Variants in CNTNAP3B observed in about 807,000 individuals in gnomAD.
CNTNAP3B encodes the protein contactin associated protein family member 3B.
Under a neutral mutation model 108.9 loss-of-function variants are expected in CNTNAP3B, and 25 were observed. That is an observed-to-expected ratio of 0.23 (90% CI 0.17 to 0.32). The LOEUF is 0.32. Among genes scored for constraint, CNTNAP3B ranks in the 10% least tolerant of loss-of-function variants. The pLI, the probability that CNTNAP3B is intolerant of heterozygous loss-of-function variation, is 1.00. For missense variants in CNTNAP3B, 252 were observed against 1,210.4 expected, an observed-to-expected ratio of 0.21 and a Z score of 11.75; for synonymous variants, 103 against 473.4, an observed-to-expected ratio of 0.22 and a Z score of 10.16.
At chr9:41,937,185 T>G (rs1193831993) in intron 14 of CNTNAP3B, among the ~76,000 whole-genome samples, 13 of 149,178 alleles carry the variant, frequency 8.7e-5, no homozygotes, top group Non-Finnish European at 1.8e-4. Context: ...TGGAGTGCAG[T>G]GGCGCGATCT....
chr9:41,921,176 C>A (rs575139827), intron 17 of CNTNAP3B, among the ~76,000 whole-genome samples: 1 of 152,300 alleles, frequency 6.6e-6, no homozygotes, highest in Non-Finnish European at 1.5e-5. Context: ...CTTCATCCAC[C>A]GCAATGAATG....
chr9:42,126,635 T>C (rs1311012154), intron 1 of CNTNAP3B, among the ~76,000 whole-genome samples: 1 of 135,272 alleles, frequency 7.4e-6, no homozygotes, highest in Non-Finnish European at 1.6e-5. Flanking sequence ...TATGGTGGGA[T>C]CTCGGCTCAC....
At chr9:42,120,829 G>A (rs1432476760) in intron 1 of CNTNAP3B, among the ~76,000 whole-genome samples, 1 of 90,808 alleles carries the variant, frequency 1.1e-5, no homozygotes, top group African/African-American at 4.9e-5. Flanking sequence ...TCGCGGGGTG[G>A]GGGGAGGGGG....
chr9:42,096,544 G>T (rs1329223097), intron 2 of CNTNAP3B, among the ~76,000 whole-genome samples: 1 of 133,746 alleles, frequency 7.5e-6, no homozygotes, highest in African/African-American at 3.0e-5. Flanking sequence ...GGAGGTCTGA[G>T]GGCACTGGCG....
intron 13 of CNTNAP3B, among the ~76,000 whole-genome samples, chr9:41,940,076 CA>C (rs1318003352): frequency 1.3e-5 from 2 of 152,278 alleles, no homozygotes; most frequent in African/African-American, 4.8e-5. Flanking sequence ...CTAACCTGAC[CA>C]AAAAAGAGAA....
At chr9:41,959,513 C>G (rs1261054623) in intron 12 of CNTNAP3B, among the ~76,000 whole-genome samples, 254 of 152,330 alleles carry the variant, frequency 1.7e-3, no homozygotes, top group African/African-American at 5.8e-3. Flanking sequence ...AACCAAGGTC[C>G]TTCCTGGTTG....
At chr9:41,969,681 G>A (rs1390334452) in intron 10 of CNTNAP3B, among the ~76,000 whole-genome samples, 2 of 151,628 alleles carry the variant, frequency 1.3e-5, no homozygotes, top group Non-Finnish European at 2.9e-5. Context: ...GCAGTGGCGC[G>A]ATCTCTGCTC....
chr9:42,103,734 C>CAA lies in CNTNAP3B; in HGVS notation c.196+893_196+894dup, dbSNP rs1348271388. Among the ~76,000 whole-genome samples the CAA allele has an allele frequency of 8.3e-3, 217 of 26,088 alleles. 6 individuals are homozygous for CAA. The highest frequency in any genetic ancestry group is 0.032 in the Middle Eastern group (2 of 62). 17.1% of individuals were successfully genotyped at this position (26,088 alleles called of 152,430 possible). On this transcript the variant is annotated intron_variant, in intron 2 of 23. Coordinates refer to ENST00000377561, the MANE Select transcript of CNTNAP3B (RefSeq NM_001201380.3). Reference sequence around the variant, plus strand: ...TGGGTGACAGAGCGAGACTCCGTCTCAAAAAAAAAAAAAAGAACAAGGGCA... The same window carrying CAA: ...TGGGTGACAGAGCGAGACTCCGTCTCAAAAAAAAAAAAAAAAGAACAAGGGCA...
At chr9:42,063,246 T>TTG (rs1162745716) in intron 3 of CNTNAP3B, among the ~76,000 whole-genome samples, 3 of 128,060 alleles carry the variant, frequency 2.3e-5, no homozygotes, top group African/African-American at 6.3e-5. Flanking sequence ...ACTCTTGACT[T>TTG]TGTGTGTGTG....
rs1335836899 is a variant in CNTNAP3B, at chr9:42,030,750, C to CAGAGAGACAGAGAGAGAGAG, written c.391-17226_391-17225insCTCTCTCTCTCTGTCTCTCT. 2.0e-4 allele frequency among the ~76,000 whole-genome samples: 12 copies of CAGAGAGACAGAGAGAGAGAG among 60,404 alleles called. 1 individual carries two copies. Among genetic ancestry groups the CAGAGAGACAGAGAGAGAGAG allele is most frequent in the African/African-American group, 9.2e-4 (12 of 13,004 alleles). 39.6% of individuals were successfully genotyped at this position (60,404 alleles called of 152,430 possible). Reference sequence around the variant, plus strand: ...CGGAGAAGGGAGTGAGAAAGAGATACAGAGAGAGAGAGAGAGAGAGAGAGA... The same window carrying CAGAGAGACAGAGAGAGAGAG: ...CGGAGAAGGGAGTGAGAAAGAGATACAGAGAGACAGAGAGAGAGAGAGAGAGAGAGAGAGAGAGAGAGAGA... On this transcript the variant is annotated intron_variant, in intron 3 of 23. Coordinates refer to ENST00000377561, the MANE Select transcript of CNTNAP3B (RefSeq NM_001201380.3).
chr9:41,925,793 G>A (rs1332322936), intron 15 of CNTNAP3B, among the ~76,000 whole-genome samples: 456 of 152,076 alleles, frequency 3.0e-3, no homozygotes, highest in Non-Finnish European at 5.1e-3. Context: ...GCCTTTTTCA[G>A]CTTTTTTTTT....
At chr9:42,097,877 G>A (rs1477887429) in intron 2 of CNTNAP3B, among the ~76,000 whole-genome samples, 2 of 138,200 alleles carry the variant, frequency 1.4e-5, no homozygotes, top group Non-Finnish European at 3.1e-5. Flanking sequence ...TTTAATTAGG[G>A]AAAGCTTCAA....
chr9:42,116,223 A>G (rs548124205), intron 1 of CNTNAP3B, among the ~76,000 whole-genome samples: 2 of 137,298 alleles, frequency 1.5e-5, no homozygotes, highest in South Asian at 4.8e-4. Flanking sequence ...GACTGTGAAA[A>G]GATTCACCAA....
rs1292913447 is a variant in CNTNAP3B at position 42,090,771 on chromosome 9, T to C, written c.197-13709A>G. On this transcript the variant is annotated intron_variant, in intron 2 of 23. Coordinates refer to ENST00000377561, the MANE Select transcript of CNTNAP3B (RefSeq NM_001201380.3). ...TGTTTATATGCACACACACTGACCATGTATGTACTGACATATATATACACA... is the reference window on the plus strand; with the variant it reads ...TGTTTATATGCACACACACTGACCACGTATGTACTGACATATATATACACA... 3.5e-5 allele frequency among the ~76,000 whole-genome samples: 3 copies of C among 84,726 alleles called. 1 individual carries two copies. The highest frequency in any genetic ancestry group is 3.8e-4 in the South Asian group (1 of 2,638). The allele number at this position is 84,726 out of a possible 152,430, so 55.6% of individuals were successfully genotyped here.
chr9:41,942,039 C>A (rs1225342964), intron 13 of CNTNAP3B, among the ~76,000 whole-genome samples: 1 of 152,294 alleles, frequency 6.6e-6, no homozygotes, highest in East Asian at 1.9e-4. Context: ...CCTAAACCAC[C>A]TAGGGGAATG....
intron 3 of CNTNAP3B, among the ~76,000 whole-genome samples, chr9:42,061,246 TTTC>T (rs1242175084): frequency 2.7e-5 from 3 of 109,694 alleles, no homozygotes; most frequent in Non-Finnish European, 3.7e-5. Context: ...TCCCTTTAAA[TTTC>T]TTCTTTGACC....
chr9:41,933,577 G>A (rs1213383495), intron 14 of CNTNAP3B, among the ~76,000 whole-genome samples: 6 of 152,276 alleles, frequency 3.9e-5, no homozygotes, highest in Admixed American at 6.5e-5. Flanking sequence ...ATTATTTTAC[G>A]ATTTTATAGA....
intron 1 of CNTNAP3B, among the ~76,000 whole-genome samples, chr9:42,109,910 G>C (rs1214143184): frequency 7.3e-6 from 1 of 137,588 alleles, no homozygotes; most frequent in Non-Finnish European, 1.6e-5. Flanking sequence ...ATACAAAAGA[G>C]AAGAGGGTGT....
At chr9:41,995,588 G>C (rs74860910) in intron 7 of CNTNAP3B, among the ~76,000 whole-genome samples, 1 of 124,374 alleles carries the variant, frequency 8.0e-6, no homozygotes, top group African/African-American at 3.3e-5. Context: ...ACAAAAAGCC[G>C]GGCATGCTGG....
Sources: allele counts gnomAD v4.1 joint callset (sites outside exome capture counted in the v4.1 genomes callset), GRCh38; gene constraint gnomAD v4.1.1; transcripts MANE v1.5; gene names NCBI Gene and HGNC (gene_info 2026-07-23, HGNC 2026-07-21).